Variants in LARGE1 observed in about 807,000 individuals in gnomAD.
The protein encoded by LARGE1 is xylosyl- and glucuronyltransferase LARGE1.
LARGE1 carries 43 observed loss-of-function variants against 87.6 expected under a neutral mutation model. The observed-to-expected ratio is 0.49, with a 90% CI of 0.38 to 0.63. The LOEUF (loss-of-function observed/expected upper bound fraction) is 0.63. LARGE1 is among the 30% of genes least tolerant of loss of function. The pLI, the probability that LARGE1 is intolerant of heterozygous loss-of-function variation, is 0.00. For missense variants in LARGE1, 802 were observed against 1,000.2 expected (o/e 0.80, Z 2.67); for synonymous variants, 434 against 394.6 (o/e 1.10, Z -1.18).
At chr22:33,535,504 C>T (rs5754593) in intron 6 of LARGE1, among the ~76,000 whole-genome samples, 89,738 of 151,294 alleles carry the variant, frequency 0.59, 26,807 homozygotes, top group Admixed American at 0.68. Context: ...GATCGCACTA[C>T]TGTACTCCAA....
At chr22:33,239,827 C>A (rs113278118) in intron 11 of LARGE1, among the ~76,000 whole-genome samples, 6 of 152,062 alleles carry the variant, frequency 3.9e-5, no homozygotes, top group Admixed American at 2.0e-4. Flanking sequence ...TGAGCCACTG[C>A]GCCTGGCCTG....
intron 2 of LARGE1, among the ~76,000 whole-genome samples, chr22:33,674,012 T>C (rs933817074): frequency 9.2e-5 from 14 of 151,898 alleles, no homozygotes; most frequent in Non-Finnish European, 1.6e-4. Context: ...TTTTGCCATG[T>C]TGGCCAGGCT....
intron 11 of LARGE1, among the ~76,000 whole-genome samples, chr22:33,202,059 C>T (rs957691306): frequency 2.6e-5 from 4 of 151,206 alleles, no homozygotes; most frequent in Non-Finnish European, 5.9e-5. Flanking sequence ...TCACTTGAAC[C>T]AGGGAGGCGG....
At chr22:33,444,559 T>C (rs1437229298) in intron 6 of LARGE1, among the ~76,000 whole-genome samples, 1 of 152,142 alleles carries the variant, frequency 6.6e-6, no homozygotes, top group African/African-American at 2.4e-5. Context: ...TTAAGCCTGA[T>C]CCTTGGGCAG....
At chr22:33,201,960 A>AC (rs1924417980) in intron 11 of LARGE1, among the ~76,000 whole-genome samples, 1 of 152,016 alleles carries the variant, frequency 6.6e-6, no homozygotes, top group Non-Finnish European at 1.5e-5. Context: ...ACACGGTGAA[A>AC]CCCCGTCTCT....
intron 1 of LARGE1, among the ~76,000 whole-genome samples, chr22:33,876,015 A>G (rs942672515): frequency 5.3e-5 from 8 of 152,122 alleles, no homozygotes; most frequent in Non-Finnish European, 1.0e-4. Context: ...AAATATCCCA[A>G]TCTTGGGATT....
intron 12 of LARGE1, among the ~76,000 whole-genome samples, chr22:33,292,441 T>C (rs1271610654): frequency 2.6e-5 from 4 of 151,374 alleles, no homozygotes; most frequent in South Asian, 2.1e-4. Flanking sequence ...TACTGGGGGG[T>C]TTGGGGGGCA....
intron 1 of LARGE1, among the ~76,000 whole-genome samples, chr22:33,784,131 G>A (rs1397135271): frequency 6.6e-6 from 1 of 152,028 alleles, no homozygotes; most frequent in African/African-American, 2.4e-5. Context: ...AATTAGAATG[G>A]CTTTTCGTTT....
At position 33,313,597 on chromosome 22, in the gene LARGE1, C is replaced by T. The variant is rs184212359; in HGVS notation, c.1451+2488G>A. ...AGGGTCATGGGCCAGAGAGATTCTC[C>T]TGCTGGCCTTGAAGAAGTGGGCTGC... On this transcript the variant is annotated intron_variant, in intron 11 of 14. Coordinates refer to ENST00000397394, the MANE Select transcript of LARGE1 (RefSeq NM_133642.5). 2.6e-5 allele frequency among the ~76,000 whole-genome samples: 4 copies of T among 152,336 alleles called. No homozygotes were observed. In the East Asian group the frequency reaches 7.7e-4, roughly 29 times the overall value.
At chr22:33,409,817 T>C (rs954892549) in intron 7 of LARGE1, among the ~76,000 whole-genome samples, 5 of 143,980 alleles carry the variant, frequency 3.5e-5, no homozygotes, top group East Asian at 2.0e-4. Flanking sequence ...GCCAAGATCA[T>C]GCCACTGCAC....
the LARGE1 span, among the ~76,000 whole-genome samples, chr22:33,136,190 A>AT: frequency 1.5e-3 from 226 of 152,332 alleles, no homozygotes; most frequent in African/African-American, 5.2e-3. Flanking sequence ...TGCCAACTGT[A>AT]TTAGTCTGTT....
At chr22:33,667,175 G>T (rs1220952191) in intron 2 of LARGE1, among the ~76,000 whole-genome samples, 4 of 152,228 alleles carry the variant, frequency 2.6e-5, no homozygotes. Flanking sequence ...TGTTTTGCTG[G>T]ATGATGGGAG....
intron 2 of LARGE1, among the ~76,000 whole-genome samples, chr22:33,729,998 G>A (rs1449092836): frequency 6.6e-6 from 1 of 151,928 alleles, no homozygotes; most frequent in African/African-American, 2.4e-5. Flanking sequence ...GTGTGTGTGC[G>A]TGCATGCGTG....
At chr22:33,344,187 A>G (rs1939474376) in intron 9 of LARGE1, among the ~76,000 whole-genome samples, 1 of 152,226 alleles carries the variant, frequency 6.6e-6, no homozygotes, top group East Asian at 1.9e-4. Flanking sequence ...AATACTCTGT[A>G]TCCTTCAATC....
chr22:33,222,511 T>C (rs1925505542), intron 11 of LARGE1, among the ~76,000 whole-genome samples: 1 of 152,192 alleles, frequency 6.6e-6, no homozygotes. Flanking sequence ...GTAATTAAGT[T>C]AAGGACCTCG....
intron 10 of LARGE1, chr22:33,321,059 A>C (rs1294860743): frequency 2.0e-5 from 3 of 152,222 alleles, no homozygotes; most frequent in African/African-American, 7.2e-5. Context: ...TGAGTGACCT[A>C]ACCTTTCTGA....
chr22:33,645,886 A>G (rs1282396569), intron 3 of LARGE1, among the ~76,000 whole-genome samples: 1 of 152,234 alleles, frequency 6.6e-6, no homozygotes, highest in Non-Finnish European at 1.5e-5. Flanking sequence ...CAAAACCACA[A>G]TGAGATACCA....
At chr22:33,564,022 T>C (rs1043114014) in intron 6 of LARGE1, among the ~76,000 whole-genome samples, 1 of 152,178 alleles carries the variant, frequency 6.6e-6, no homozygotes, top group Admixed American at 6.5e-5. Flanking sequence ...TTTGCTTTCA[T>C]AGGATATGGA....
the LARGE1 span, among the ~76,000 whole-genome samples, chr22:33,147,297 G>T: frequency 6.6e-6 from 1 of 152,128 alleles, no homozygotes; most frequent in Non-Finnish European, 1.5e-5. Flanking sequence ...TTGAGTAGAT[G>T]TATGTTTAAA....
Sources: gnomAD v4.1 joint callset for allele counts (sites outside exome capture counted in the v4.1 genomes callset) on GRCh38, gnomAD v4.1.1 for gene constraint, MANE v1.5 for transcripts, NCBI Gene and HGNC (gene_info 2026-07-23, HGNC 2026-07-21) for gene names.